The following ANK3 variants were observed in gnomAD, a reference collection of about 807,000 sequenced individuals.
ANK3 encodes ankyrin 3.
ANK3 carries 57 observed loss-of-function variants against 370.9 expected under a neutral mutation model. That is an observed-to-expected ratio of 0.15 (90% CI 0.12 to 0.19). ANK3 has a LOEUF of 0.19. Ranked by LOEUF, ANK3 falls within the 10% of genes least tolerant of loss-of-function variation. The pLI is 1.00. For synonymous variants in ANK3, 1,929 were observed against 1,946.3 expected (o/e 0.99, Z 0.23); for missense variants, 4,439 against 5,302.1 (o/e 0.84, Z 5.06).
intron 2 of ANK3, among the ~76,000 whole-genome samples, chr10:60,484,060 C>G (rs1395517173): frequency 2.0e-5 from 3 of 152,166 alleles, no homozygotes; most frequent in African/African-American, 7.2e-5. Flanking sequence ...TTATTAAACT[C>G]ACATCCTAAA....
intron 2 of ANK3, among the ~76,000 whole-genome samples, chr10:60,410,464 G>A (rs2063536623): frequency 6.6e-6 from 1 of 152,114 alleles, no homozygotes. Context: ...ATATTTGTTG[G>A]AAGGATGGAG....
At chr10:60,659,142 A>G (rs2078904945) in intron 1 of ANK3, among the ~76,000 whole-genome samples, 1 of 152,196 alleles carries the variant, frequency 6.6e-6, no homozygotes, top group African/African-American at 2.4e-5. Flanking sequence ...CGAAGAAAAT[A>G]TCTTTGTGAT....
At chr10:60,508,761 T>C (rs1303110289) in intron 2 of ANK3, 2 of 152,186 alleles carry the variant, frequency 1.3e-5, no homozygotes, top group Non-Finnish European at 2.9e-5. Flanking sequence ...GTGTGGCCTT[T>C]AATAACACTG....
Position 60,191,668 on chromosome 10 carries a change from A to C in ANK3, c.1887+4477T>G, listed in dbSNP as rs151256566. 4.0e-3 allele frequency among the ~76,000 whole-genome samples: 615 copies of C among 152,358 alleles called. 3 individuals are homozygous for C. Among genetic ancestry groups the C allele is most frequent in the African/African-American group, 0.014 (564 of 41,572 alleles). On this transcript the variant is annotated intron_variant, in intron 16 of 43. Transcript: ENST00000280772. The stretch of plus-strand genomic sequence containing the variant: ...ATAACCTTTAAGGACAATTGTAAGG[A>C]GATATCTCAAAGAACTAAAAATAGA...
intron 42 of ANK3, among the ~76,000 whole-genome samples, chr10:60,048,579 CAT>C (rs1165404034): frequency 6.6e-6 from 1 of 152,164 alleles, no homozygotes; most frequent in Non-Finnish European, 1.5e-5. Context: ...CATATTCTCC[CAT>C]ATACTTTAAA....
At chr10:60,059,266 TA>T (rs34010158) in intron 41 of ANK3, 73 bp downstream of exon 41, 255,390 of 1,326,790 alleles carry the variant, frequency 0.19, 27,504 homozygotes, top group Non-Finnish European at 0.22. Flanking sequence ...AAGTCACCAC[TA>T]AAAAGCATGT....
chr10:60,069,693 T>C lies in ANK3; in HGVS notation c.11188A>G (p.Thr3730Ala). The change falls in exon 37 of 44, where the codon ACC becomes GCC. Residue 3730 changes from threonine (T) to alanine (A), a missense_variant. Around this residue, in one of 13 missense-constraint regions of ANK3, gnomAD observed 496 missense variants for 529.3 expected, o/e 0.94. Transcript: ENST00000280772. ...GGGCCTTCTTTCTTCATGGTCATGG[T>C]GGATGCAGAAATTCCCATTTTTATA... ...TPIKMGISASTMTMKKEGPGE... is the reference protein window; with the variant it reads ...TPIKMGISASAMTMKKEGPGE... 1.9e-6 allele frequency: 3 copies of C among 1,614,038 alleles called. No individual in the cohort carries two copies. The highest frequency in any genetic ancestry group is 2.5e-6 in the Non-Finnish European group (3 of 1,179,988).
intron 1 of ANK3, among the ~76,000 whole-genome samples, chr10:60,310,018 T>C (rs975187247): frequency 6.6e-6 from 1 of 151,754 alleles, no homozygotes; most frequent in Non-Finnish European, 1.5e-5. Context: ...CTCAAACTCT[T>C]GGACTCAAGT....
intron 2 of ANK3, among the ~76,000 whole-genome samples, chr10:60,500,301 G>A (rs1464379878): frequency 6.6e-6 from 1 of 152,080 alleles, no homozygotes. Flanking sequence ...CTAGGAAGGG[G>A]TAACACTTTA....
intron 1 of ANK3, among the ~76,000 whole-genome samples, chr10:60,641,839 C>T (rs1302370326): frequency 3.3e-5 from 5 of 151,938 alleles, no homozygotes; most frequent in African/African-American, 1.2e-4. Flanking sequence ...TCAGAGTGAA[C>T]AGGCAACCTA....
chr10:60,385,719 G>T (rs774455363), intron 1 of ANK3, among the ~76,000 whole-genome samples: 8 of 152,062 alleles, frequency 5.3e-5, no homozygotes, highest in Non-Finnish European at 1.2e-4. Context: ...CGCATGTATA[G>T]AGAGAGATCT....
intron 2 of ANK3, 109 bp from the exon 3 acceptor site, chr10:60,279,257 C>A: frequency 1.1e-6 from 1 of 939,580 alleles, no homozygotes. Context: ...TGATCACTTG[C>A]ATGTATGCTG....
chr10:60,706,803 T>C (rs1270133560), intron 1 of ANK3, among the ~76,000 whole-genome samples: 1 of 152,208 alleles, frequency 6.6e-6, no homozygotes, highest in African/African-American at 2.4e-5. Context: ...TTCAGGTTTA[T>C]TAGACAATTA....
At chr10:60,563,709 A>C (rs1044485214) in intron 2 of ANK3, among the ~76,000 whole-genome samples, 1 of 152,120 alleles carries the variant, frequency 6.6e-6, no homozygotes, top group Non-Finnish European at 1.5e-5. Flanking sequence ...TGGATTTTGA[A>C]ATTATGGAGA....
intron 7 of ANK3, among the ~76,000 whole-genome samples, chr10:60,250,439 A>G (rs1450870333): frequency 6.6e-6 from 1 of 152,154 alleles, no homozygotes; most frequent in East Asian, 1.9e-4. Context: ...ATCTCGGCTC[A>G]CTGCAAGCTC....
intron 2 of ANK3, among the ~76,000 whole-genome samples, chr10:60,485,145 C>T (rs1567081965): frequency 6.6e-6 from 1 of 152,174 alleles, no homozygotes. Context: ...AGTCACTCAA[C>T]ACTCGAGTCG....
At chr10:60,257,588 C>T (rs75129638) in intron 7 of ANK3, among the ~76,000 whole-genome samples, 5,141 of 152,268 alleles carry the variant, frequency 0.034, 279 homozygotes, top group African/African-American at 0.12. Context: ...TAGGTAACTA[C>T]AGGATTTCAG....
At chr10:60,654,741 T>C (rs1053643480) in intron 1 of ANK3, among the ~76,000 whole-genome samples, 7 of 147,372 alleles carry the variant, frequency 4.7e-5, no homozygotes, top group African/African-American at 1.7e-4. Context: ...TATTGATTTA[T>C]AGGTTTTTTT....
chr10:60,543,773 T>A (rs1472931121), intron 2 of ANK3, among the ~76,000 whole-genome samples: 1 of 152,072 alleles, frequency 6.6e-6, no homozygotes, highest in Admixed American at 6.6e-5. Context: ...TTTCTCACAA[T>A]GCCCACCTTC....
Sources: gnomAD v4.1 joint callset for allele counts (sites outside exome capture counted in the v4.1 genomes callset) on GRCh38, gnomAD v4.1.1 for gene constraint, gnomAD v4.1.1 regional missense constraint, MANE v1.5 for transcripts, NCBI Gene and HGNC (gene_info 2026-07-23, HGNC 2026-07-21) for gene names.